SKIC3: variants seen among roughly 807,000 people sequenced by gnomAD.
SKIC3 encodes the protein superkiller complex protein 3.
At chr5:95,495,636 C>T in the SKIC3 span, among the ~76,000 whole-genome samples, 2 of 152,146 alleles carry the variant, frequency 1.3e-5, no homozygotes, top group African/African-American at 4.8e-5. Context: ...TAACAATGGT[C>T]TTCCAGGTCC....
At chr5:95,500,895 T>C in the SKIC3 span, among the ~76,000 whole-genome samples, 1 of 152,148 alleles carries the variant, frequency 6.6e-6, no homozygotes, top group Admixed American at 6.5e-5. Flanking sequence ...TGGACTATTT[T>C]TGGAAGGGGG....
chr5:95,513,124 C>T, the SKIC3 span: 27 of 178,836 alleles, frequency 1.5e-4, no homozygotes, highest in South Asian at 1.5e-3. Flanking sequence ...TTCTTTAATT[C>T]GAGAAAACTA....
chr5:95,479,593 A>G, the SKIC3 span, among the ~76,000 whole-genome samples: 1 of 151,826 alleles, frequency 6.6e-6, no homozygotes, highest in Non-Finnish European at 1.5e-5. Flanking sequence ...AACTTTTATT[A>G]TTATTGTTGT....
the SKIC3 span, chr5:95,513,769 G>T: frequency 1.2e-6 from 1 of 805,194 alleles, no homozygotes. Flanking sequence ...GTTAACCTAA[G>T]TTTTTCACTT....
chr5:95,515,125 T>A, the SKIC3 span: 5 of 519,796 alleles, frequency 9.6e-6, no homozygotes, highest in South Asian at 6.1e-5. Context: ...TGCAACAGAT[T>A]TCTCCCCAGG....
the SKIC3 span, chr5:95,494,689 A>G: frequency 2.4e-5 from 38 of 1,613,582 alleles, no homozygotes; most frequent in Non-Finnish European, 3.0e-5. Flanking sequence ...CACCTGGAGA[A>G]AGGAGAGCTG....
At chr5:95,523,520 C>A in the SKIC3 span, 1 of 1,244,614 alleles carries the variant, frequency 8.0e-7, no homozygotes, top group Non-Finnish European at 1.1e-6. Flanking sequence ...ACTTCACTTA[C>A]AGAGGCAAAA....
the SKIC3 span, among the ~76,000 whole-genome samples, chr5:95,538,683 C>T: frequency 1.3e-5 from 2 of 152,000 alleles, no homozygotes; most frequent in African/African-American, 4.8e-5. Context: ...TGGTTCAAAA[C>T]CAATTATTTT....
the SKIC3 span, among the ~76,000 whole-genome samples, chr5:95,521,654 T>C: frequency 1.3e-5 from 2 of 152,050 alleles, no homozygotes; most frequent in South Asian, 4.1e-4. Context: ...TACAAAACAA[T>C]GCAAGTTGTC....
chr5:95,540,557 C>T, the SKIC3 span: 6 of 1,129,954 alleles, frequency 5.3e-6, no homozygotes, highest in Non-Finnish European at 6.4e-6. Flanking sequence ...TGCAAATGAA[C>T]ACATGAAAAG....
At chr5:95,522,214 G>C in the SKIC3 span, 1 of 1,613,800 alleles carries the variant, frequency 6.2e-7, no homozygotes, top group Non-Finnish European at 8.5e-7. Flanking sequence ...AGGACTTCAA[G>C]GCTGTTGTGT....
At chr5:95,467,865 C>G in the SKIC3 span, 2 of 1,613,374 alleles carry the variant, frequency 1.2e-6, no homozygotes, top group Non-Finnish European at 1.7e-6. Flanking sequence ...CAATGCCTTA[C>G]GTCAATAAGC....
chr5:95,516,996 A>T, the SKIC3 span: 1 of 1,613,566 alleles, frequency 6.2e-7, no homozygotes, highest in Non-Finnish European at 8.5e-7. Flanking sequence ...TGGCGATAAT[A>T]ATTAATTCCA....
chr5:95,525,838 T>G, the SKIC3 span, among the ~76,000 whole-genome samples: 2 of 152,154 alleles, frequency 1.3e-5, no homozygotes, highest in Admixed American at 1.3e-4. Context: ...TTCATAACCT[T>G]TTTATTAAGG....
chr5:95,546,345 A>C, the SKIC3 span, among the ~76,000 whole-genome samples: 5 of 137,234 alleles, frequency 3.6e-5, no homozygotes, highest in Non-Finnish European at 6.2e-5. Context: ...ATGAGAAAAA[A>C]AAAAAACAAA....
chr5:95,469,435 TTTTG>T, the SKIC3 span, among the ~76,000 whole-genome samples: 1 of 152,198 alleles, frequency 6.6e-6, no homozygotes, highest in Non-Finnish European at 1.5e-5. Flanking sequence ...GGTCTTTTGG[TTTTG>T]TTTGTTTCTA....
the SKIC3 span, chr5:95,530,139 TTAATGCC>T: frequency 6.2e-7 from 1 of 1,613,710 alleles, no homozygotes; most frequent in South Asian, 1.1e-5. Context: ...TTGTAATGCT[TTAATGCC>T]TAAGCCAATG....
At chr5:95,531,277 C>T in the SKIC3 span, among the ~76,000 whole-genome samples, 1 of 151,990 alleles carries the variant, frequency 6.6e-6, no homozygotes, top group Non-Finnish European at 1.5e-5. Context: ...TTTAGAAATC[C>T]AAGTTGGCAC....
the SKIC3 span, chr5:95,513,062 ACAT>A: frequency 1.2e-4 from 22 of 183,400 alleles, no homozygotes; most frequent in Admixed American, 2.7e-4. Flanking sequence ...TTAAATCTAA[ACAT>A]CATTTCTTCA....
Sources: allele counts gnomAD v4.1 joint callset (sites outside exome capture counted in the v4.1 genomes callset), GRCh38; gene constraint gnomAD v4.1.1; transcripts MANE v1.5; gene names NCBI Gene and HGNC (gene_info 2026-07-23, HGNC 2026-07-21).